Variants in RGMA observed in about 807,000 individuals in gnomAD.
RGMA encodes repulsive guidance molecule A.
In RGMA, 10 loss-of-function variants were observed where a neutral mutation model predicts 23.2. That is an observed-to-expected ratio of 0.43 (90% CI 0.27 to 0.73). The LOEUF is 0.73. Among genes scored for constraint, RGMA ranks in the 30% least tolerant of loss-of-function variants. The pLI is 0.20. For synonymous variants in RGMA, 308 were observed against 279.3 expected, an observed-to-expected ratio of 1.10 and a Z score of -1.03; for missense variants, 547 against 630.5, an observed-to-expected ratio of 0.87 and a Z score of 1.42.
rs1368386337 is a variant in RGMA at position 93,047,222 on chromosome 15, G to GGGT, written c.646-1520_646-1518dup. Among the ~76,000 whole-genome samples, 5 of 152,304 alleles carry GGGT rather than the reference G, an allele frequency of 3.3e-5. No individual in the cohort carries two copies. The East Asian group carries it at 9.7e-4, about 29-fold the overall frequency. Reference sequence around the variant, plus strand: ...GAGTTTCCTCTGCCGTCCGCGTCCTGGGTGGCGTCTGGCTGTTCTTTCCTC... The same window carrying GGGT: ...GAGTTTCCTCTGCCGTCCGCGTCCTGGGTGGTGGCGTCTGGCTGTTCTTTCCTC... On this transcript the variant is annotated intron_variant, in intron 3 of 3. Transcript: ENST00000329082.
At chr15:93,061,579 C>A (rs1179764547) in intron 2 of RGMA, among the ~76,000 whole-genome samples, 4 of 152,222 alleles carry the variant, frequency 2.6e-5, no homozygotes, top group Non-Finnish European at 5.9e-5. Context: ...GGGCTCCAGA[C>A]TGCCTTCCTC....
At chr15:93,054,279 A>T (rs1472821899) in intron 2 of RGMA, among the ~76,000 whole-genome samples, 5 of 151,306 alleles carry the variant, frequency 3.3e-5, no homozygotes, top group South Asian at 2.1e-4. Flanking sequence ...TTTCCATTTT[A>T]TTAGCTTTAA....
Position 93,051,987 on chromosome 15 carries a change from C to T in RGMA, c.645+6G>A. ...CTGTGCCCTACAGCCGCCCCCTCCC[C>T]CTTACCTTGCTGGTGGCAGTGGCCG... On this transcript the variant is annotated splice_donor_region_variant and intron_variant, in intron 3 of 3. Transcript: ENST00000329082. 1 of 1,591,104 alleles carries T rather than the reference C, an allele frequency of 6.3e-7. No homozygotes were observed. The highest frequency in any genetic ancestry group is 8.5e-7 in the Non-Finnish European group (1 of 1,170,660).
At chr15:93,078,510 A>G (rs1895508546) in intron 1 of RGMA, among the ~76,000 whole-genome samples, 1 of 152,184 alleles carries the variant, frequency 6.6e-6, no homozygotes, top group Non-Finnish European at 1.5e-5. Flanking sequence ...TCAGACTTTA[A>G]GGGCCGTCCT....
intron 1 of RGMA, chr15:93,073,831 G>A (rs1895421185): frequency 6.6e-7 from 1 of 1,516,762 alleles, no homozygotes; most frequent in Non-Finnish European, 8.8e-7. Context: ...CCCCGGCTGC[G>A]CCCCCGTGCT....
At chr15:93,088,813 G>C in intron 1 of RGMA, 106 bp downstream of exon 1, 3 of 1,084,380 alleles carry the variant, frequency 2.8e-6, no homozygotes, top group Non-Finnish European at 3.9e-6. Flanking sequence ...AGCAAGATGA[G>C]ACGCGGGGCT....
chr15:93,074,220 G>C (rs1895430716), intron 1 of RGMA: 2 of 194,430 alleles, frequency 1.0e-5, no homozygotes, highest in Non-Finnish European at 2.0e-5. Flanking sequence ...TGGTTCTTTG[G>C]GGAAAAACAC....
chr15:93,075,737 A>G (rs575978133), intron 1 of RGMA, among the ~76,000 whole-genome samples: 3 of 152,316 alleles, frequency 2.0e-5, no homozygotes, highest in African/African-American at 7.2e-5. Context: ...CCCTGCCGGG[A>G]GACGGGTACT....
chr15:93,071,804 G>A (rs1369532250), intron 2 of RGMA, among the ~76,000 whole-genome samples: 1 of 152,236 alleles, frequency 6.6e-6, no homozygotes, highest in African/African-American at 2.4e-5. Flanking sequence ...GCAAAGCTCA[G>A]TAGTGCGCGG....
At chr15:93,050,684 G>T (rs2054902821) in intron 3 of RGMA, among the ~76,000 whole-genome samples, 1 of 152,214 alleles carries the variant, frequency 6.6e-6, no homozygotes, top group Non-Finnish European at 1.5e-5. Flanking sequence ...GCGTGGCTTG[G>T]CTCTGTTGTC....
rs769897694 is a variant in RGMA at position 93,045,062 on chromosome 15, A to C, written c.1289T>G (p.Leu430Arg). Residue 430 changes from leucine to arginine, a missense_variant, in exon 4 of 4, where the codon CTG (leucine) becomes CGG (arginine). Coordinates refer to ENST00000329082, the MANE Select transcript of RGMA (RefSeq NM_020211.3). This position sits in a 1 kb window ranked among gnomAD's most constrained non-coding sequence, Gnocchi z 6.9. The part of the protein sequence containing the change: ...LPGRAAAGLP[L>R]APRPLLGALV... ...GGCGCCCAGGAGGGGCCGGGGGGCC[A>C]GGGGCAGCCCCGCAGCCGCCCTGCC... is the stretch of plus-strand genomic sequence containing the variant. 2 of 1,574,048 alleles carry C rather than the reference A, an allele frequency of 1.3e-6. No homozygotes were observed. Among genetic ancestry groups the C allele is most frequent in the Non-Finnish European group, 8.6e-7 (1 of 1,159,864 alleles).
In RGMA at chr15:93,042,160, C is replaced by T. The variant is rs2054732403; in HGVS notation, c.*2838G>A. 6.7e-6 allele frequency: 1 copy of T among 149,876 alleles called. No individual in the cohort carries two copies. Among genetic ancestry groups the T allele is most frequent in the African/African-American group, 2.4e-5 (1 of 41,126 alleles). 9.3% of individuals were successfully genotyped at this position (149,876 alleles called of 1,614,324 possible). On this transcript the variant is annotated 3_prime_UTR_variant, in exon 4 of 4. Transcript: ENST00000329082. ...CCTGGCGACAGAGCAAGACGCCAGA[C>T]TCCATTTCAAAAATAAAATAAAGTT...
chr15:93,060,545 C>A (rs926826271), intron 2 of RGMA, among the ~76,000 whole-genome samples: 1 of 152,180 alleles, frequency 6.6e-6, no homozygotes, highest in African/African-American at 2.4e-5. Flanking sequence ...CCGATGGGGG[C>A]GGGGTGGGCC....
intron 3 of RGMA, among the ~76,000 whole-genome samples, chr15:93,048,395 C>T (rs115632840): frequency 0.018 from 2,722 of 152,260 alleles, 87 homozygotes; most frequent in African/African-American, 0.062. Context: ...TTCTCATGAG[C>T]CCGTTCATCT....
At chr15:93,073,989 G>C in intron 1 of RGMA, 1 of 1,413,226 alleles carries the variant, frequency 7.1e-7, no homozygotes, top group East Asian at 2.7e-5. Flanking sequence ...TCAGTATGGT[G>C]ACCTTTCCTA....
intron 3 of RGMA, among the ~76,000 whole-genome samples, chr15:93,048,969 C>T (rs996092199): frequency 3.3e-5 from 5 of 152,206 alleles, no homozygotes; most frequent in African/African-American, 4.8e-5. Context: ...AGGCTGGTTT[C>T]GCTCTAACCA....
chr15:93,050,091 G>A lies in RGMA; in HGVS notation c.645+1902C>T, dbSNP rs532701000. 7.4e-4 allele frequency among the ~76,000 whole-genome samples: 113 copies of A among 152,324 alleles called. 1 individual carries two copies. The highest frequency in any genetic ancestry group is 2.6e-3 in the African/African-American group (108 of 41,574). On this transcript the variant is annotated intron_variant, in intron 3 of 3. Transcript: ENST00000329082. ...TGGTGGATGGGCTCCCCAGTTCTCTGGACAGAGCCAAGGCTCCCAATGGCC... is the reference window on the plus strand; with the variant it reads ...TGGTGGATGGGCTCCCCAGTTCTCTAGACAGAGCCAAGGCTCCCAATGGCC...
rs551605583 is a variant in RGMA, at chr15:93,041,377, C to G, written c.*3621G>C. The G allele has an allele frequency of 6.6e-6, 1 of 152,376 alleles. No homozygotes were observed. The highest frequency in any genetic ancestry group is 1.9e-4 in the East Asian group (1 of 5,186). 9.4% of individuals were successfully genotyped at this position (152,376 alleles called of 1,614,324 possible). On this transcript the variant is annotated 3_prime_UTR_variant, in exon 4 of 4. Transcript: ENST00000329082. ...GCCAGGAACCTCCAGAGGCTCCCAA[C>G]CTAGCCCGTCCTGCAAGATGAAGCT... is the stretch of plus-strand genomic sequence containing the variant.
chr15:93,059,302 C>T (rs916372223), intron 2 of RGMA, among the ~76,000 whole-genome samples: 3 of 152,188 alleles, frequency 2.0e-5, no homozygotes, highest in African/African-American at 4.8e-5. Context: ...TAATCGATTC[C>T]GGGCCCTCCC....
Sources: gnomAD v4.1 joint callset for allele counts (sites outside exome capture counted in the v4.1 genomes callset) on GRCh38, gnomAD v4.1.1 for gene constraint, Gnocchi (gnomAD v3.1) non-coding constraint, MANE v1.5 for transcripts, NCBI Gene and HGNC (gene_info 2026-07-23, HGNC 2026-07-21) for gene names.